The following SHTN1 variants were observed in gnomAD, a reference collection of about 807,000 sequenced individuals.
The protein encoded by SHTN1 is shootin 1, also known as shootin-1.
SHTN1 carries 42 observed loss-of-function variants against 83.1 expected under a neutral mutation model. The observed-to-expected ratio is 0.51, with a 90% CI of 0.39 to 0.65. The LOEUF (loss-of-function observed/expected upper bound fraction) is 0.65. Among genes scored for constraint, SHTN1 ranks in the 30% least tolerant of loss-of-function variants. The probability of loss-of-function intolerance (pLI) is 0.00; values close to 1 mark genes in which losing one functional copy is unlikely to be tolerated. For missense variants in SHTN1, 622 were observed against 737.8 expected (o/e 0.84, Z 1.82); for synonymous variants, 224 against 247.7 (o/e 0.90, Z 0.90).
At chr10:117,018,717 G>C (rs1046634971) in intron 2 of SHTN1, among the ~76,000 whole-genome samples, 6 of 151,744 alleles carry the variant, frequency 4.0e-5, no homozygotes, top group Non-Finnish European at 2.9e-5. Flanking sequence ...GATTACAGAT[G>C]CTCGCCACCA....
intron 15 of SHTN1, 107 bp from the exon 16 acceptor site, chr10:116,902,064 A>G (rs1038239066): frequency 4.0e-6 from 4 of 991,240 alleles, no homozygotes; most frequent in South Asian, 1.7e-5. Context: ...GAAAAGGCCA[A>G]GTTTGTTAAA....
At chr10:116,987,013 C>T (rs1851243425) in intron 1 of SHTN1, among the ~76,000 whole-genome samples, 1 of 152,068 alleles carries the variant, frequency 6.6e-6, no homozygotes, top group Non-Finnish European at 1.5e-5. Context: ...AGGTGTGAAC[C>T]ACCGTGCCCG....
At chr10:117,036,665 G>A (rs1021079124) in intron 2 of SHTN1, among the ~76,000 whole-genome samples, 22 of 152,130 alleles carry the variant, frequency 1.4e-4, no homozygotes, top group Non-Finnish European at 3.1e-4. Context: ...AATAAGGATA[G>A]TTAATGGGTA....
At chr10:117,093,621 C>T (rs878899073) in intron 1 of SHTN1, among the ~76,000 whole-genome samples, 3 of 152,170 alleles carry the variant, frequency 2.0e-5, no homozygotes, top group Admixed American at 1.3e-4. Context: ...CTCCGATCTA[C>T]CCAACCCCAA....
At chr10:116,938,909 C>T (rs971882700) in intron 9 of SHTN1, among the ~76,000 whole-genome samples, 1 of 152,204 alleles carries the variant, frequency 6.6e-6, no homozygotes, top group African/African-American at 2.4e-5. Flanking sequence ...AGCAGCTTGG[C>T]GGAGCTGCAG....
chr10:116,944,190 G>C (rs1345867869), intron 8 of SHTN1, among the ~76,000 whole-genome samples: 1 of 152,182 alleles, frequency 6.6e-6, no homozygotes, highest in Non-Finnish European at 1.5e-5. Flanking sequence ...CAGATTTTAA[G>C]CCTATTTGAA....
intron 1 of SHTN1, among the ~76,000 whole-genome samples, chr10:116,983,687 A>ATAGATAGATAG (rs1851124220): frequency 1.7e-5 from 1 of 60,254 alleles, no homozygotes; most frequent in African/African-American, 4.4e-5. Context: ...TAGATAGATA[A>ATAGATAGATAG]ATACATACAT....
chr10:116,893,029 G>T (rs1010367050), intron 16 of SHTN1, among the ~76,000 whole-genome samples: 1 of 152,176 alleles, frequency 6.6e-6, no homozygotes, highest in Non-Finnish European at 1.5e-5. Flanking sequence ...TGAGAGAATT[G>T]AGAATTACTC....
chr10:117,066,460 T>C (rs1853003454), intron 1 of SHTN1, among the ~76,000 whole-genome samples: 1 of 152,326 alleles, frequency 6.6e-6, no homozygotes. Flanking sequence ...TATGTGACTA[T>C]GTTAGACTGT....
intron 1 of SHTN1, among the ~76,000 whole-genome samples, chr10:117,120,591 C>T (rs1378645935): frequency 6.6e-6 from 1 of 152,024 alleles, no homozygotes; most frequent in Non-Finnish European, 1.5e-5. Flanking sequence ...ATCAAAACAT[C>T]TCATGTATCC....
At chr10:117,065,015 A>C (rs1250832969) in intron 1 of SHTN1, among the ~76,000 whole-genome samples, 1 of 152,204 alleles carries the variant, frequency 6.6e-6, no homozygotes, top group Non-Finnish European at 1.5e-5. Context: ...ACCTCACTTA[A>C]GAAAGGTGGA....
intron 1 of SHTN1, among the ~76,000 whole-genome samples, chr10:116,998,737 C>T (rs111984493): frequency 9.6e-4 from 146 of 152,204 alleles, no homozygotes; most frequent in Middle Eastern, 3.4e-3. Flanking sequence ...CTAGGCTCAT[C>T]TTGTATATTT....
In SHTN1 at chr10:116,898,396, G is replaced by C; in HGVS notation, c.1673+3369C>G. On this transcript the variant is annotated intron_variant, in intron 16 of 16. Transcript: ENST00000355371. The stretch of plus-strand genomic sequence containing the variant: ...CCCACCCACTGATTGGCCTGAATCA[G>C]TGAATAAAATATCTTACTATATTTT... Among the ~76,000 whole-genome samples the C allele has an allele frequency of 1.3e-5, 2 of 151,874 alleles. 1 individual carries two copies. Among genetic ancestry groups the C allele is most frequent in the Admixed American group, 1.3e-4 (2 of 15,238 alleles).
chr10:117,103,560 C>T (rs1229492991), intron 1 of SHTN1, among the ~76,000 whole-genome samples: 2 of 82,840 alleles, frequency 2.4e-5, no homozygotes, highest in African/African-American at 4.9e-5. Context: ...TTTTTTGAGA[C>T]GGAGTCTCGC....
intron 1 of SHTN1, among the ~76,000 whole-genome samples, chr10:117,088,071 G>A (rs1289165352): frequency 6.6e-6 from 1 of 152,216 alleles, no homozygotes; most frequent in East Asian, 1.9e-4. Context: ...TAGTTCTGCT[G>A]TATTGTTTGT....
intron 7 of SHTN1, among the ~76,000 whole-genome samples, chr10:116,946,748 A>G (rs996474852): frequency 5.3e-5 from 8 of 150,384 alleles, no homozygotes; most frequent in South Asian, 2.1e-4. Flanking sequence ...GAGTCTCACT[A>G]TGTCTGTCGC....
upstream of SHTN1, among the ~76,000 whole-genome samples, chr10:117,007,681 GTTTA>G (rs1314541253): frequency 1.3e-5 from 2 of 150,398 alleles, no homozygotes; most frequent in African/African-American, 2.4e-5. Flanking sequence ...TTACACTATT[GTTTA>G]TTTATATGAT....
chr10:117,113,319 A>G (rs1756229037), intron 1 of SHTN1, among the ~76,000 whole-genome samples: 1 of 152,186 alleles, frequency 6.6e-6, no homozygotes, highest in Non-Finnish European at 1.5e-5. Flanking sequence ...AAGAGCAGAA[A>G]ATGTCAAAGT....
At chr10:116,980,476 G>A (rs1850974277) in intron 1 of SHTN1, among the ~76,000 whole-genome samples, 1 of 150,948 alleles carries the variant, frequency 6.6e-6, no homozygotes, top group Admixed American at 6.6e-5. Context: ...TAAATTTCTT[G>A]TAGAGATGGG....
Sources: allele counts gnomAD v4.1 joint callset (sites outside exome capture counted in the v4.1 genomes callset), GRCh38; gene constraint gnomAD v4.1.1; transcripts MANE v1.5; gene names NCBI Gene and HGNC (gene_info 2026-07-23, HGNC 2026-07-21).